WDR33: variants seen among roughly 807,000 people sequenced by gnomAD.
WDR33 encodes WD repeat domain 33.
In WDR33, 47 loss-of-function variants were observed where a neutral mutation model predicts 164.9. That is an observed-to-expected ratio of 0.29 (90% CI 0.23 to 0.36). The LOEUF (loss-of-function observed/expected upper bound fraction) is 0.36. WDR33 is among the 10% of genes least tolerant of loss of function. WDR33 has a pLI of 1.00. For missense variants in WDR33, 1,137 were observed against 1,754.1 expected, an observed-to-expected ratio of 0.65 and a Z score of 6.28; for synonymous variants, 505 against 589.0, an observed-to-expected ratio of 0.86 and a Z score of 2.06.
intron 2 of WDR33, 35 bp from the exon 3 acceptor site, chr2:127,769,036 A>AATAAATAG (rs1553477303): frequency 7.1e-6 from 8 of 1,126,462 alleles, no homozygotes; most frequent in African/African-American, 4.8e-5. Flanking sequence ...TAAATAAATA[A>AATAAATAG]ATAGATCAAT....
At chr2:127,796,034 G>C (rs1358559245) in intron 1 of WDR33, among the ~76,000 whole-genome samples, 1 of 151,538 alleles carries the variant, frequency 6.6e-6, no homozygotes, top group African/African-American at 2.4e-5. Flanking sequence ...AGGTAAATTA[G>C]GTAAATAGAA....
rs142876978 is a variant in WDR33 at position 127,713,897 on chromosome 2, A to G, written c.2994T>C (p.Gly998=). The G allele has an allele frequency of 6.2e-7, 1 of 1,613,274 alleles. No individual in the cohort carries two copies. Among genetic ancestry groups the G allele is most frequent in the Non-Finnish European group, 8.5e-7 (1 of 1,179,758 alleles). The part of the protein sequence containing the change: ...GPFRGGQDCR[G]PPDRRGPHPD... ...GGTGAGGGCCACGCCTATCAGGGGGACCCCTGCAGTCCTGGCCACCCCGGA... is the reference window on the plus strand; with the variant it reads ...GGTGAGGGCCACGCCTATCAGGGGGGCCCCTGCAGTCCTGGCCACCCCGGA... Residue 998 remains glycine, a synonymous_variant, in exon 18 of 22, where the codon GGT becomes GGC. Coordinates refer to ENST00000322313, the MANE Select transcript of WDR33 (RefSeq NM_018383.5). This position sits in a 1 kb window ranked among gnomAD's most constrained non-coding sequence, Gnocchi z 6.2.
At chr2:127,737,550 G>A (rs536011016) in intron 7 of WDR33, 24 of 986,756 alleles carry the variant, frequency 2.4e-5, no homozygotes, top group Admixed American at 6.1e-5. Context: ...ATGGGAGTCT[G>A]GCACTAAATA....
chr2:127,810,483 G>A (rs775470821), intron 1 of WDR33, among the ~76,000 whole-genome samples: 1 of 152,198 alleles, frequency 6.6e-6, no homozygotes, highest in African/African-American at 2.4e-5. Flanking sequence ...CAGGGATCTA[G>A]CACAAACCAA....
intron 1 of WDR33, among the ~76,000 whole-genome samples, chr2:127,793,358 G>C (rs1373311924): frequency 6.6e-6 from 1 of 151,858 alleles, no homozygotes. Context: ...TTCAACCCGG[G>C]AGAAGGAGGT....
chr2:127,713,973 C>T lies in WDR33; in HGVS notation c.2918G>A (p.Arg973Lys), dbSNP rs1686241956. The T allele has an allele frequency of 6.4e-7, 1 of 1,557,488 alleles. No homozygotes were observed. The highest frequency in any genetic ancestry group is 1.4e-5 in the African/African-American group (1 of 73,254). ...AGGCCCGCCGCTCTGCTCATGCCGC[C>T]TCTCTGACATCGGGCCCATGTGATG... ...PNHHMGPMSE[R>K]RHEQSGGPEH... Residue 973 changes from arginine to lysine, a missense_variant, in exon 18 of 22, where the codon AGG becomes AAG. By Grantham distance (26) the Arg-to-Lys change is conservative. Coordinates refer to ENST00000322313, the MANE Select transcript of WDR33 (RefSeq NM_018383.5). The surrounding 1 kb of genome is among the most constrained non-coding windows in gnomAD (Gnocchi z 6.2).
Position 127,704,043 on chromosome 2 carries a change from G to C in WDR33, c.*2280C>G, listed in dbSNP as rs1020160554. On this transcript the variant is annotated 3_prime_UTR_variant, in exon 22 of 22. Coordinates refer to ENST00000322313, the MANE Select transcript of WDR33 (RefSeq NM_018383.5). The stretch of plus-strand genomic sequence containing the variant: ...TGGGGCTGAGGTGGGAAGATCACTT[G>C]AGCCCAGGAGGTTGAGGCTGCAGTG... 11 of 166,430 alleles carry C rather than the reference G, an allele frequency of 6.6e-5. No homozygotes were observed. The highest frequency in any genetic ancestry group is 2.6e-4 in the African/African-American group (11 of 41,510). The allele number at this position is 166,430 out of a possible 1,614,324, so 10.3% of individuals were successfully genotyped here. A position where few individuals can be genotyped will look rare whatever the true frequency, so the allele number is the denominator to read the frequency against.
chr2:127,757,863 C>G (rs1558940081), intron 7 of WDR33, among the ~76,000 whole-genome samples: 1 of 152,098 alleles, frequency 6.6e-6, no homozygotes, highest in East Asian at 1.9e-4. Flanking sequence ...ACGAAAAGAT[C>G]TTTGTGTAGA....
intron 7 of WDR33, among the ~76,000 whole-genome samples, chr2:127,761,475 C>T (rs1284568594): frequency 6.6e-6 from 1 of 152,230 alleles, no homozygotes; most frequent in Non-Finnish European, 1.5e-5. Flanking sequence ...GCTGGGATTA[C>T]AGGCGTGAGC....
chr2:127,764,609 C>CT lies in WDR33; in HGVS notation c.626+218dup. The CT allele has an allele frequency of 6.4e-7, 1 of 1,553,262 alleles. No homozygotes were observed. The highest frequency in any genetic ancestry group is 8.7e-7 in the Non-Finnish European group (1 of 1,147,548). On this transcript the variant is annotated intron_variant, in intron 6 of 21. Coordinates refer to ENST00000322313, the MANE Select transcript of WDR33 (RefSeq NM_018383.5). The surrounding 1 kb of genome is among the most constrained non-coding windows in gnomAD (Gnocchi z 6.2). ...GCAAAATGCGGCAGACAGTACATCT[C>CT]TAACATATTGCAAAGGCTGATACCG... is the stretch of plus-strand genomic sequence containing the variant.
At chr2:127,780,105 C>T (rs1243649867) in intron 1 of WDR33, among the ~76,000 whole-genome samples, 2 of 151,900 alleles carry the variant, frequency 1.3e-5, no homozygotes, top group Non-Finnish European at 1.5e-5. Context: ...TCTCGAGTAG[C>T]TGGGAATACA....
At chr2:127,808,231 T>C (rs1277285403) in intron 1 of WDR33, among the ~76,000 whole-genome samples, 1 of 152,234 alleles carries the variant, frequency 6.6e-6, no homozygotes, top group African/African-American at 2.4e-5. Flanking sequence ...AGGCACTTTT[T>C]ACCTTTAGGT....
intron 1 of WDR33, among the ~76,000 whole-genome samples, chr2:127,802,162 C>T (rs1369568311): frequency 2.7e-5 from 4 of 146,622 alleles, no homozygotes; most frequent in Admixed American, 6.8e-5. Context: ...AGCAAGACTC[C>T]GACTCAAAAA....
chr2:127,736,031 G>C, intron 7 of WDR33: 1 of 985,440 alleles, frequency 1.0e-6, no homozygotes, highest in Non-Finnish European at 1.2e-6. Context: ...TGGGTGAAGG[G>C]GTCCGGCAGT....
At position 127,770,328 on chromosome 2, in the gene WDR33, C is replaced by T. The variant is rs997082171; in HGVS notation, c.204+450G>A. On this transcript the variant is annotated intron_variant, in intron 2 of 21. Coordinates refer to ENST00000322313, the MANE Select transcript of WDR33 (RefSeq NM_018383.5). This position sits in a 1 kb window ranked among gnomAD's most constrained non-coding sequence, Gnocchi z 4.9. ...TAAATTAGCCAATTTGAAATTCCACCGTGTCCCACTAATTCAACTAACACA... is the reference window on the plus strand; with the variant it reads ...TAAATTAGCCAATTTGAAATTCCACTGTGTCCCACTAATTCAACTAACACA... Among the ~76,000 whole-genome samples, 16 of 152,120 alleles carry T rather than the reference C, an allele frequency of 1.1e-4. No homozygotes were observed. The East Asian group carries it at 2.7e-3, about 26-fold the overall frequency.
Position 127,701,612 on chromosome 2 carries a change from C to T in WDR33, c.*4711G>A. The T allele has an allele frequency of 1.5e-6, 2 of 1,345,294 alleles. No homozygotes were observed. The highest frequency in any genetic ancestry group is 1.9e-6 in the Non-Finnish European group (2 of 1,049,752). 83.3% of individuals were successfully genotyped at this position (1,345,294 alleles called of 1,614,324 possible). ...CGGCGGCCGCGGAGCCGCTGCTCGC[C>T]GCGGAGAAGGCGGAGGAGCCCGGGG... On this transcript the variant is annotated 3_prime_UTR_variant, in exon 22 of 22. Coordinates refer to ENST00000322313, the MANE Select transcript of WDR33 (RefSeq NM_018383.5).
chr2:127,723,219 A>C lies in WDR33; in HGVS notation c.1291+34T>G. The C allele has an allele frequency of 6.3e-7, 1 of 1,583,538 alleles. No homozygotes were observed. The highest frequency in any genetic ancestry group is 8.6e-7 in the Non-Finnish European group (1 of 1,159,296). Reference sequence around the variant, plus strand: ...TAACACTTCTGTAATAGAATACCAGATTTCAAAGAAGGACAGATGTGCAAG... The same window carrying C: ...TAACACTTCTGTAATAGAATACCAGCTTTCAAAGAAGGACAGATGTGCAAG... On this transcript the variant is annotated intron_variant, in intron 12 of 21. Coordinates refer to ENST00000322313, the MANE Select transcript of WDR33 (RefSeq NM_018383.5). This position sits in a 1 kb window ranked among gnomAD's most constrained non-coding sequence, Gnocchi z 5.9.
intron 7 of WDR33, chr2:127,736,525 A>ATGGTG: frequency 3.0e-6 from 3 of 985,472 alleles, no homozygotes; most frequent in Non-Finnish European, 3.6e-6. Context: ...GATGCACCAT[A>ATGGTG]AATCTGGCAG....
At chr2:127,769,983 G>C (rs1025554269) in intron 2 of WDR33, among the ~76,000 whole-genome samples, 12 of 152,266 alleles carry the variant, frequency 7.9e-5, no homozygotes, top group Non-Finnish European at 1.3e-4. Context: ...ACTGCAGTAG[G>C]CGTTCAATCC....
Sources: allele counts gnomAD v4.1 joint callset (sites outside exome capture counted in the v4.1 genomes callset), GRCh38; gene constraint gnomAD v4.1.1; non-coding constraint Gnocchi (gnomAD v3.1); transcripts MANE v1.5; gene names NCBI Gene and HGNC (gene_info 2026-07-23, HGNC 2026-07-21).